The following RFX3 variants were observed in gnomAD, a reference collection of about 807,000 sequenced individuals.
RFX3 encodes regulatory factor X3.
Under a neutral mutation model 98.6 loss-of-function variants are expected in RFX3, and 14 were observed. The ratio of observed to expected loss-of-function variants is 0.14; its 90% confidence interval spans 0.09 to 0.22. The LOEUF (loss-of-function observed/expected upper bound fraction) is 0.22, where lower values mean the gene tolerates loss of function less well. Ranked by LOEUF, RFX3 falls within the 10% of genes least tolerant of loss-of-function variation. The pLI, the probability that RFX3 is intolerant of heterozygous loss-of-function variation, is 1.00. For missense variants in RFX3, 639 were observed against 926.9 expected (o/e 0.69, Z 4.03); for synonymous variants, 383 against 328.4 (o/e 1.17, Z -1.80).
At chr9:3,313,286 G>C (rs757178120) in intron 4 of RFX3, among the ~76,000 whole-genome samples, 19 of 152,160 alleles carry the variant, frequency 1.2e-4, no homozygotes, top group Admixed American at 2.6e-4. Context: ...AACTCCAACA[G>C]ACCTGCAGCT....
intron 4 of RFX3, among the ~76,000 whole-genome samples, chr9:3,304,470 A>T (rs560264207): frequency 1.3e-5 from 2 of 152,038 alleles, no homozygotes; most frequent in African/African-American, 4.8e-5. Context: ...ATATATGAAT[A>T]AATGCATAAT....
chr9:3,234,683 C>T (rs1231300668), intron 15 of RFX3, among the ~76,000 whole-genome samples: 1 of 151,890 alleles, frequency 6.6e-6, no homozygotes, highest in East Asian at 1.9e-4. Flanking sequence ...AGCACCCCAC[C>T]CCAAAATCAA....
At chr9:3,444,629 A>C (rs558081226) in intron 1 of RFX3, among the ~76,000 whole-genome samples, 2 of 152,344 alleles carry the variant, frequency 1.3e-5, no homozygotes, top group South Asian at 4.1e-4. Context: ...ACGACTGGCA[A>C]AACTGGGAAT....
intron 1 of RFX3, among the ~76,000 whole-genome samples, chr9:3,511,883 T>C (rs1817694100): frequency 6.6e-6 from 1 of 152,044 alleles, no homozygotes; most frequent in Non-Finnish European, 1.5e-5. Context: ...GATTTAGAAA[T>C]GCTGTGCTTG....
At chr9:3,251,302 C>G (rs7872539) in intron 14 of RFX3, among the ~76,000 whole-genome samples, 6,458 of 151,956 alleles carry the variant, frequency 0.042, 457 homozygotes, top group African/African-American at 0.15. Context: ...TGGTAATTTC[C>G]GGGTAGAAGT....
At chr9:3,293,526 T>C (rs1827641032) in intron 5 of RFX3, among the ~76,000 whole-genome samples, 1 of 152,184 alleles carries the variant, frequency 6.6e-6, no homozygotes, top group Non-Finnish European at 1.5e-5. Flanking sequence ...TTTCCCTGTA[T>C]TGATTCCAAT....
At chr9:3,464,052 A>C (rs1847969447) in intron 1 of RFX3, among the ~76,000 whole-genome samples, 1 of 152,206 alleles carries the variant, frequency 6.6e-6, no homozygotes, top group Non-Finnish European at 1.5e-5. Flanking sequence ...TCAAAAAATT[A>C]ATCATTTTAG....
intron 4 of RFX3, among the ~76,000 whole-genome samples, chr9:3,320,356 C>T (rs1199154985): frequency 1.3e-5 from 2 of 151,932 alleles, no homozygotes; most frequent in Non-Finnish European, 2.9e-5. Context: ...AGTTTGAGAC[C>T]AGCCTGGCCA....
chr9:3,267,564 C>G (rs1019601241), intron 11 of RFX3, among the ~76,000 whole-genome samples: 1 of 151,758 alleles, frequency 6.6e-6, no homozygotes, highest in Admixed American at 6.6e-5. Context: ...CTGTTCAAAA[C>G]TGGAGAGACG....
At chr9:3,293,485 A>C (rs142672447) in intron 5 of RFX3, among the ~76,000 whole-genome samples, 2 of 152,328 alleles carry the variant, frequency 1.3e-5, no homozygotes, top group Non-Finnish European at 2.9e-5. Context: ...CATTTCTTCA[A>C]ATATTCAAGC....
chr9:3,419,150 C>G (rs1470131215), intron 1 of RFX3, among the ~76,000 whole-genome samples: 1 of 152,016 alleles, frequency 6.6e-6, no homozygotes, highest in Admixed American at 6.5e-5. Context: ...TTTAAAAAAA[C>G]AACAACATAT....
chr9:3,327,622 CAAAA>C, intron 4 of RFX3, among the ~76,000 whole-genome samples: 1 of 148,016 alleles, frequency 6.8e-6, no homozygotes, highest in African/African-American at 2.5e-5. Context: ...AAACGCAAAA[CAAAA>C]AAAAATCACC....
chr9:3,429,761 A>G (rs1418226111), intron 1 of RFX3, among the ~76,000 whole-genome samples: 1 of 152,174 alleles, frequency 6.6e-6, no homozygotes, highest in Non-Finnish European at 1.5e-5. Flanking sequence ...AATTTACTAT[A>G]TAGCAGATGT....
chr9:3,247,790 A>T (rs772776833), intron 15 of RFX3: 16 of 1,601,644 alleles, frequency 1.0e-5, no homozygotes, highest in Non-Finnish European at 1.4e-5. Flanking sequence ...GTACCTGTAT[A>T]ATATAGAGAC....
At chr9:3,288,272 A>G in intron 6 of RFX3, 22 bp from the exon 7 acceptor site, 2 of 1,609,038 alleles carry the variant, frequency 1.2e-6, no homozygotes, top group South Asian at 1.1e-5. Flanking sequence ...AACAAGAAAC[A>G]TTAGAAACAA....
chr9:3,232,298 G>T (rs946414077), intron 15 of RFX3, among the ~76,000 whole-genome samples: 1 of 152,084 alleles, frequency 6.6e-6, no homozygotes, highest in African/African-American at 2.4e-5. Flanking sequence ...TATACAGTAG[G>T]CTTTCTCTCA....
intron 1 of RFX3, among the ~76,000 whole-genome samples, chr9:3,444,320 C>T (rs1845847507): frequency 6.6e-6 from 1 of 151,984 alleles, no homozygotes; most frequent in African/African-American, 2.4e-5. Context: ...AGAAAGAATG[C>T]ACACTGTATT....
At chr9:3,412,999 T>A (rs1842587381) in intron 1 of RFX3, among the ~76,000 whole-genome samples, 1 of 152,116 alleles carries the variant, frequency 6.6e-6, no homozygotes, top group Non-Finnish European at 1.5e-5. Flanking sequence ...TCACACTTCT[T>A]TAATTGGTTA....
chr9:3,515,291 T>C (rs1431383386), intron 1 of RFX3, among the ~76,000 whole-genome samples: 1 of 152,168 alleles, frequency 6.6e-6, no homozygotes, highest in Non-Finnish European at 1.5e-5. Flanking sequence ...TCTACTAATA[T>C]ACTAATGGAT....
Sources: gnomAD v4.1 joint callset for allele counts (sites outside exome capture counted in the v4.1 genomes callset) on GRCh38, gnomAD v4.1.1 for gene constraint, MANE v1.5 for transcripts, NCBI Gene and HGNC (gene_info 2026-07-23, HGNC 2026-07-21) for gene names.